Variants in STRAP observed in about 807,000 individuals in gnomAD.
STRAP encodes the protein serine-threonine kinase receptor-associated protein.
A neutral mutation model predicts 47.0 loss-of-function variants in STRAP; 16 were observed. The ratio of observed to expected loss-of-function variants is 0.34; its 90% CI spans 0.23 to 0.52. The LOEUF (loss-of-function observed/expected upper bound fraction) is 0.52, where lower values mean the gene tolerates loss of function less well. Ranked by LOEUF, STRAP falls within the 20% of genes least tolerant of loss-of-function variation. The pLI is 0.96. For synonymous variants in STRAP, 130 were observed against 142.7 expected (o/e 0.91, Z 0.63); for missense variants, 293 against 420.0 (o/e 0.70, Z 2.64).
At chr12:15,900,075 A>G (rs1948091183) in intron 8 of STRAP, 22 bp downstream of exon 8, 2 of 1,589,488 alleles carry the variant, frequency 1.3e-6, no homozygotes, top group South Asian at 2.3e-5. Flanking sequence ...TATTCAGAAT[A>G]ATAAAATTTT....
At chr12:15,886,745 A>AT (rs34734133) in intron 2 of STRAP, among the ~76,000 whole-genome samples, 2 of 151,416 alleles carry the variant, frequency 1.3e-5, no homozygotes, top group South Asian at 2.1e-4. Context: ...TTTAGAAACA[A>AT]TTTTTTTTTC....
intron 6 of STRAP, 60 bp downstream of exon 6, chr12:15,895,556 TA>T: frequency 6.5e-7 from 1 of 1,550,310 alleles, no homozygotes; most frequent in Non-Finnish European, 8.7e-7. Context: ...TTTGGCTACT[TA>T]AAAATGGGAA....
chr12:15,889,443 A>T (rs1022992439), intron 2 of STRAP, among the ~76,000 whole-genome samples: 1 of 151,634 alleles, frequency 6.6e-6, no homozygotes, highest in Non-Finnish European at 1.5e-5. Flanking sequence ...CTTAGCCTGT[A>T]CCAAGGCTTT....
In STRAP at chr12:15,890,603, A is replaced by G; in HGVS notation, c.337A>G (p.Asn113Asp). The part of the protein sequence containing the change: ...VKTVDFTQDS[N>D]YLLTGGQDKL... ...TTTTACTTTGTGTTTTCAGGATAGT[A>G]ATTATTTGTTAACCGGGGGACAGGA... is the stretch of plus-strand genomic sequence containing the variant. Residue 113 changes from asparagine to aspartate, a missense_variant, in exon 4 of 10, where the codon AAT (asparagine) becomes GAT (aspartate). Physicochemically the swap from Asn to Asp is conservative, Grantham distance 23. This residue lies in a region of STRAP where 152 missense variants were observed against 183.0 expected (regional missense o/e 0.83). Transcript: ENST00000419869. This position sits in a 1 kb window ranked among gnomAD's most constrained non-coding sequence, Gnocchi z 4.5. 1 of 1,610,638 alleles carries G rather than the reference A, an allele frequency of 6.2e-7. No individual in the cohort carries two copies. Among genetic ancestry groups the G allele is most frequent in the Non-Finnish European group, 8.5e-7 (1 of 1,178,500 alleles).
intron 6 of STRAP, among the ~76,000 whole-genome samples, chr12:15,897,173 G>A (rs942627671): frequency 6.6e-6 from 1 of 152,184 alleles, no homozygotes; most frequent in Admixed American, 6.5e-5. Context: ...ATGCTTTAAA[G>A]TATATGATGA....
chr12:15,889,546 G>A (rs1390768666), intron 2 of STRAP, among the ~76,000 whole-genome samples: 1 of 151,922 alleles, frequency 6.6e-6, no homozygotes, highest in Non-Finnish European at 1.5e-5. Context: ...GAAAAAATTG[G>A]CATGGTGAAA....
In STRAP at chr12:15,900,925, G is replaced by A. The variant is rs182068994; in HGVS notation, c.926-22G>A. On this transcript the variant is annotated intron_variant, in intron 8 of 9. Coordinates refer to ENST00000419869, the MANE Select transcript of STRAP (RefSeq NM_007178.4). The stretch of plus-strand genomic sequence containing the variant: ...CTTTAATAGTGTAAGTCATATAATC[G>A]TCATTGCTTTTCTTTTTACAGAAGA... 34 of 1,566,838 alleles carry A rather than the reference G, an allele frequency of 2.2e-5. No homozygotes were observed. The East Asian group carries it at 6.5e-4, about 30-fold the overall frequency.
chr12:15,882,618 C>T lies in STRAP; in HGVS notation c.-90C>T. On this transcript the variant is annotated 5_prime_UTR_variant, in exon 1 of 10. Transcript: ENST00000419869. ...CCCAGCCCTAGTGTCAGGGCGGGGG[C>T]CTGGAGCAGCCCGAGGCACTGCAGC... 1 of 1,109,498 alleles carries T rather than the reference C, an allele frequency of 9.0e-7. No homozygotes were observed. Among genetic ancestry groups the T allele is most frequent in the East Asian group, 2.6e-5 (1 of 39,022 alleles). The allele number at this position is 1,109,498 out of a possible 1,614,324, so 68.7% of individuals were successfully genotyped here. A position where few individuals can be genotyped will look rare whatever the true frequency, so the allele number is the denominator to read the frequency against.
intron 8 of STRAP, among the ~76,000 whole-genome samples, chr12:15,900,549 A>G (rs914760983): frequency 2.0e-5 from 3 of 152,030 alleles, no homozygotes; most frequent in Non-Finnish European, 2.9e-5. Context: ...AATTTGTTGT[A>G]CAATCTAGTC....
In STRAP at chr12:15,894,849, A is replaced by G. The variant is rs1213843794; in HGVS notation, c.501-510A>G. ...ATTAAGGGATGCTCACCTTGTGTAT[A>G]CAGACAGCAAAATTCAGAAGAAAAT... On this transcript the variant is annotated intron_variant, in intron 5 of 9. Transcript: ENST00000419869. This position sits in a 1 kb window ranked among gnomAD's most constrained non-coding sequence, Gnocchi z 4.9. Among the ~76,000 whole-genome samples, 3 of 152,248 alleles carry G rather than the reference A, an allele frequency of 2.0e-5. No individual in the cohort carries two copies. The highest frequency in any genetic ancestry group is 4.4e-5 in the Non-Finnish European group (3 of 68,048).
In STRAP at chr12:15,882,642, G is replaced by A; in HGVS notation, c.-66G>A. The stretch of plus-strand genomic sequence containing the variant: ...GCCTGGAGCAGCCCGAGGCACTGCA[G>A]CAGAAGAGAGAAAAGACAACGACGA... On this transcript the variant is annotated 5_prime_UTR_variant, in exon 1 of 10. Transcript: ENST00000419869. The A allele has an allele frequency of 1.4e-6, 2 of 1,386,100 alleles. No homozygotes were observed. Among genetic ancestry groups the A allele is most frequent in the Non-Finnish European group, 2.0e-6 (2 of 1,002,536 alleles). 85.9% of individuals were successfully genotyped at this position (1,386,100 alleles called of 1,614,324 possible).
intron 6 of STRAP, among the ~76,000 whole-genome samples, chr12:15,897,482 C>G (rs1327844107): frequency 6.6e-6 from 1 of 152,052 alleles, no homozygotes; most frequent in Non-Finnish European, 1.5e-5. Context: ...ATGTTAATTA[C>G]CTACTGTGAA....
chr12:15,896,784 A>G lies in STRAP; in HGVS notation c.639-1098A>G, dbSNP rs539665388. On this transcript the variant is annotated intron_variant, in intron 6 of 9. Coordinates refer to ENST00000419869, the MANE Select transcript of STRAP (RefSeq NM_007178.4). This position sits in a 1 kb window ranked among gnomAD's most constrained non-coding sequence, Gnocchi z 4.1. ...AAGTAGAATTATCAGTTCAAAGGCT[A>G]GAAATGAGTTTAAAGTTCTTAGTTA... Among the ~76,000 whole-genome samples, 17 of 152,352 alleles carry G rather than the reference A, an allele frequency of 1.1e-4. 1 individual carries two copies. Among genetic ancestry groups the G allele is most frequent in the African/African-American group, 4.1e-4 (17 of 41,592 alleles).
chr12:15,889,905 A>T, intron 2 of STRAP, 23 bp from the exon 3 acceptor site: 1 of 1,600,382 alleles, frequency 6.2e-7, no homozygotes, highest in African/African-American at 1.3e-5. Flanking sequence ...TTATCCTACT[A>T]ATTTTCTCTT....
At chr12:15,884,520 TTAC>T (rs1300488265) in intron 2 of STRAP, among the ~76,000 whole-genome samples, 3 of 151,442 alleles carry the variant, frequency 2.0e-5, no homozygotes, top group Non-Finnish European at 4.4e-5. Flanking sequence ...TTTTTTTTTT[TTAC>T]TTTTTTACTA....
At chr12:15,883,239 C>A in intron 1 of STRAP, 1 of 1,166,426 alleles carries the variant, frequency 8.6e-7, no homozygotes, top group South Asian at 1.3e-5. Context: ...CCTCATTTTT[C>A]AAATGGGAAA....
At chr12:15,891,917 G>C (rs1021064862) in intron 4 of STRAP, among the ~76,000 whole-genome samples, 2 of 151,642 alleles carry the variant, frequency 1.3e-5, no homozygotes, top group Non-Finnish European at 1.5e-5. Flanking sequence ...CAGCCTGGGG[G>C]ACAAGAGCAA....
rs1355118607 is a variant in STRAP, at chr12:15,887,848, G to C, written c.249-2080G>C. ...CCTGTCTCAAAAAAAAAAAGAGAGA[G>C]AGGTTTTAAGTTTATGGGAGATTAT... On this transcript the variant is annotated intron_variant, in intron 2 of 9. Transcript: ENST00000419869. The surrounding 1 kb of genome is among the most constrained non-coding windows in gnomAD (Gnocchi z 5.5). 6.6e-6 allele frequency among the ~76,000 whole-genome samples: 1 copy of C among 152,170 alleles called. No homozygotes were observed. The highest frequency in any genetic ancestry group is 1.5e-5 in the Non-Finnish European group (1 of 68,018).
rs1947930581 is a variant in STRAP at position 15,882,589 on chromosome 12, C to T, written c.-119C>T. 1.2e-6 allele frequency: 1 copy of T among 823,480 alleles called. No individual in the cohort carries two copies. The highest frequency in any genetic ancestry group is 1.6e-5 in the South Asian group (1 of 61,624). 51.0% of individuals were successfully genotyped at this position (823,480 alleles called of 1,614,324 possible). A position where few individuals can be genotyped will look rare whatever the true frequency, so the allele number is the denominator to read the frequency against. ...CGGATTGCCCTTCTTTTCCTGTTGCCCAGCCCAGCCCTAGTGTCAGGGCGG... is the reference window on the plus strand; with the variant it reads ...CGGATTGCCCTTCTTTTCCTGTTGCTCAGCCCAGCCCTAGTGTCAGGGCGG... On this transcript the variant is annotated 5_prime_UTR_variant, in exon 1 of 10. Coordinates refer to ENST00000419869, the MANE Select transcript of STRAP (RefSeq NM_007178.4).
Sources: gnomAD v4.1 joint callset for allele counts (sites outside exome capture counted in the v4.1 genomes callset) on GRCh38, gnomAD v4.1.1 for gene constraint, gnomAD v4.1.1 regional missense constraint, Gnocchi (gnomAD v3.1) non-coding constraint, MANE v1.5 for transcripts, NCBI Gene and HGNC (gene_info 2026-07-23, HGNC 2026-07-21) for gene names.